The following GNB4 variants were observed in gnomAD, a reference collection of about 807,000 sequenced individuals.
GNB4 encodes G protein subunit beta 4, also known as guanine nucleotide-binding protein subunit beta-4.
In GNB4, 28 loss-of-function variants were observed where a neutral mutation model predicts 45.2. The ratio of observed to expected loss-of-function variants is 0.62; its 90% CI spans 0.46 to 0.85. The LOEUF (loss-of-function observed/expected upper bound fraction) is 0.85, where lower values mean the gene tolerates loss of function less well. Among genes scored for constraint, GNB4 ranks in the 40% least tolerant of loss-of-function variants. The pLI is 0.00. For synonymous variants in GNB4, 132 were observed against 143.7 expected (o/e 0.92, Z 0.58); for missense variants, 321 against 425.4 (o/e 0.75, Z 2.16).
the GNB4 span, among the ~76,000 whole-genome samples, chr3:179,521,433 G>C: frequency 6.6e-6 from 1 of 152,152 alleles, no homozygotes; most frequent in Non-Finnish European, 1.5e-5. Flanking sequence ...TTGAGCTCCT[G>C]TATAGATGCT....
chr3:179,509,166 C>CAT, the GNB4 span, among the ~76,000 whole-genome samples: 59,472 of 138,600 alleles, frequency 0.43, 13,132 homozygotes, highest in South Asian at 0.54. Context: ...CATATATATA[C>CAT]ATACACACAC....
the GNB4 span, among the ~76,000 whole-genome samples, chr3:179,461,954 T>G: frequency 6.6e-6 from 1 of 152,242 alleles, no homozygotes; most frequent in Non-Finnish European, 1.5e-5. Flanking sequence ...TTCCTAAAAT[T>G]TAGCTCTGAT....
intron 1 of GNB4, chr3:179,437,645 CAT>C (rs1715491359): frequency 6.6e-6 from 1 of 151,738 alleles, no homozygotes; most frequent in Non-Finnish European, 1.5e-5. Context: ...GAGTTCAGGT[CAT>C]ATAAGGTTTT....
chr3:179,459,041 G>A, the GNB4 span, among the ~76,000 whole-genome samples: 6 of 152,158 alleles, frequency 3.9e-5, no homozygotes, highest in Non-Finnish European at 7.3e-5. Context: ...CAACAGATTT[G>A]TAAGGGAATA....
chr3:179,513,188 A>C, the GNB4 span, among the ~76,000 whole-genome samples: 1 of 98,152 alleles, frequency 1.0e-5, no homozygotes, highest in Non-Finnish European at 2.1e-5. Context: ...CATGTGCAGC[A>C]ATTTTTTTTT....
chr3:179,502,601 G>A, the GNB4 span, among the ~76,000 whole-genome samples: 2 of 151,792 alleles, frequency 1.3e-5, no homozygotes, highest in African/African-American at 2.4e-5. Context: ...ATATTTTCTA[G>A]TGTGCTATTG....
In GNB4 at chr3:179,398,000, A is replaced by G. The variant is rs886561773; in HGVS notation, c.*3213T>C. 2 of 151,448 alleles carry G rather than the reference A, an allele frequency of 1.3e-5. No individual in the cohort carries two copies. The highest frequency in any genetic ancestry group is 4.9e-5 in the African/African-American group (2 of 41,220). The allele number at this position is 151,448 out of a possible 1,614,324, so 9.4% of individuals were successfully genotyped here. ...TGCCTCGGCCTCCCAAAGTGCTGGG[A>G]TTACAGGTGTGAGCCACCATGCCTG... On this transcript the variant is annotated 3_prime_UTR_variant, in exon 10 of 10. Coordinates refer to ENST00000232564, the MANE Select transcript of GNB4 (RefSeq NM_021629.4).
the GNB4 span, among the ~76,000 whole-genome samples, chr3:179,526,209 A>G: frequency 5.3e-5 from 8 of 152,204 alleles, no homozygotes; most frequent in Admixed American, 5.2e-4. Flanking sequence ...AAGGAATTTC[A>G]CAAGGTAATG....
the GNB4 span, among the ~76,000 whole-genome samples, chr3:179,526,668 T>C: frequency 1.3e-5 from 2 of 152,206 alleles, no homozygotes; most frequent in Admixed American, 6.5e-5. Context: ...TATTGCATAA[T>C]ATCTGAACCG....
chr3:179,480,378 C>T, the GNB4 span, among the ~76,000 whole-genome samples: 3 of 152,180 alleles, frequency 2.0e-5, no homozygotes, highest in Non-Finnish European at 4.4e-5. Flanking sequence ...GATATTCTGA[C>T]CCCTGTAATA....
chr3:179,476,377 C>T, the GNB4 span, among the ~76,000 whole-genome samples: 1 of 152,196 alleles, frequency 6.6e-6, no homozygotes, highest in Non-Finnish European at 1.5e-5. Context: ...GCAGCCCCAC[C>T]CCATGGCTTT....
the GNB4 span, among the ~76,000 whole-genome samples, chr3:179,516,398 T>C: frequency 1.3e-5 from 2 of 152,128 alleles, no homozygotes; most frequent in African/African-American, 4.8e-5. Flanking sequence ...CCTCTACCCA[T>C]CCAGTGAAAG....
chr3:179,444,980 A>G (rs774726406), intron 1 of GNB4, among the ~76,000 whole-genome samples: 1 of 152,152 alleles, frequency 6.6e-6, no homozygotes, highest in Non-Finnish European at 1.5e-5. Context: ...GAAAAACTGA[A>G]TATAAAAATA....
At chr3:179,447,252 T>A (rs1031394975) in intron 1 of GNB4, among the ~76,000 whole-genome samples, 2 of 149,010 alleles carry the variant, frequency 1.3e-5, no homozygotes, top group East Asian at 2.0e-4. Flanking sequence ...GCAGTGACGA[T>A]GGCGAGGCTG....
At chr3:179,471,596 G>T in the GNB4 span, among the ~76,000 whole-genome samples, 2,320 of 152,286 alleles carry the variant, frequency 0.015, 27 homozygotes, top group South Asian at 0.052. Flanking sequence ...CTAGGTTTGT[G>T]TAAGTACTTT....
rs754601611 is a variant in GNB4, at chr3:179,420,886, T to C, written c.96+3A>G. ...AATGAAATAAAGAAAAACAAAACTT[T>C]ACCTGAACAAGCGTTGCATCATTAC... is the stretch of plus-strand genomic sequence containing the variant. On this transcript the variant is annotated splice_donor_region_variant and intron_variant, in intron 3 of 9. Transcript: ENST00000232564. 1 of 1,577,664 alleles carries C rather than the reference T, an allele frequency of 6.3e-7. No homozygotes were observed. The highest frequency in any genetic ancestry group is 8.7e-7 in the Non-Finnish European group (1 of 1,151,860).
At position 179,411,534 on chromosome 3, in the gene GNB4, G is replaced by A. The variant is rs139434710; in HGVS notation, c.699+1878C>T. 4.6e-4 allele frequency among the ~76,000 whole-genome samples: 68 copies of A among 147,130 alleles called. 1 individual carries two copies. The highest frequency in any genetic ancestry group is 1.5e-3 in the African/African-American group (62 of 40,250). On this transcript the variant is annotated intron_variant, in intron 8 of 9. Transcript: ENST00000232564. ...TTAAGTGGCTGAAAAAAAACCACAC[G>A]AACATCTCAACAGACGGACAAAAAG...
rs749692771 is a variant in GNB4, at chr3:179,414,873, AG to A, written c.430+11del. The A allele has an allele frequency of 1.3e-5, 21 of 1,557,704 alleles. No homozygotes were observed. Among genetic ancestry groups the A allele is most frequent in the Non-Finnish European group, 1.7e-5 (19 of 1,140,610 alleles). ...AATCGTGTGGTGGGAAAGAATATTT[AG>A]GGAAGCTCACCTGTGTGACCTGGCA... is the stretch of plus-strand genomic sequence containing the variant. On this transcript the variant is annotated intron_variant, in intron 6 of 9. Coordinates refer to ENST00000232564, the MANE Select transcript of GNB4 (RefSeq NM_021629.4).
intron 1 of GNB4, among the ~76,000 whole-genome samples, chr3:179,433,253 T>C (rs190353406): frequency 6.6e-6 from 1 of 151,954 alleles, no homozygotes; most frequent in East Asian, 1.9e-4. Flanking sequence ...GCATCAAGCA[T>C]GCTATTTAAA....
Sources: gnomAD v4.1 joint callset for allele counts (sites outside exome capture counted in the v4.1 genomes callset) on GRCh38, gnomAD v4.1.1 for gene constraint, MANE v1.5 for transcripts, NCBI Gene and HGNC (gene_info 2026-07-23, HGNC 2026-07-21) for gene names.